The following KCNIP1 variants were observed in gnomAD, a reference collection of about 807,000 sequenced individuals.
The protein encoded by KCNIP1 is A-type potassium channel modulatory protein KCNIP1.
Under a neutral mutation model 33.0 loss-of-function variants are expected in KCNIP1, and 18 were observed. That is an observed-to-expected ratio of 0.55 (90% CI 0.38 to 0.81). The LOEUF is 0.81. Among genes scored for constraint, KCNIP1 ranks in the 30% least tolerant of loss-of-function variants. KCNIP1 has a pLI of 0.00. For synonymous variants in KCNIP1, 93 were observed against 98.3 expected (o/e 0.95, Z 0.32); for missense variants, 238 against 271.6 (o/e 0.88, Z 0.87).
chr5:170,519,334 G>A (rs898245032), intron 1 of KCNIP1, among the ~76,000 whole-genome samples: 1 of 152,172 alleles, frequency 6.6e-6, no homozygotes, highest in East Asian at 1.9e-4. Flanking sequence ...TGAGTCATGT[G>A]GTGCCAGCGG....
intron 1 of KCNIP1, among the ~76,000 whole-genome samples, chr5:170,640,032 T>C (rs979369099): frequency 6.6e-6 from 1 of 152,210 alleles, no homozygotes; most frequent in Admixed American, 6.5e-5. Context: ...AGTGGAACCA[T>C]GGAGCACCAC....
intron 1 of KCNIP1, among the ~76,000 whole-genome samples, chr5:170,511,140 C>T (rs552376775): frequency 6.6e-5 from 10 of 152,304 alleles, no homozygotes; most frequent in South Asian, 2.1e-4. Context: ...ACCGAGGAGA[C>T]GGAGGTTGCA....
At position 170,393,943 on chromosome 5, in the gene KCNIP1, T is replaced by TA. The variant is rs907749995; in HGVS notation, c.88+39986dup. On this transcript the variant is annotated intron_variant, in intron 1 of 7. Coordinates refer to the KCNIP1 transcript ENST00000377360. Reference sequence around the variant, plus strand: ...GTCTGTGTGGTAAGGTTGGTTTTTTTAAAAAAATGCTTTTTCCTTAGTGCA... The same window carrying TA: ...GTCTGTGTGGTAAGGTTGGTTTTTTTAAAAAAAATGCTTTTTCCTTAGTGCA... Among the ~76,000 whole-genome samples, 6 of 152,260 alleles carry TA rather than the reference T, an allele frequency of 3.9e-5. No homozygotes were observed. The South Asian group carries it at 6.2e-4, about 16-fold the overall frequency.
At chr5:170,578,389 A>G (rs765758880) in intron 1 of KCNIP1, among the ~76,000 whole-genome samples, 3 of 152,100 alleles carry the variant, frequency 2.0e-5, no homozygotes, top group Non-Finnish European at 4.4e-5. Flanking sequence ...GAGTGGGGGA[A>G]CTGGCCTTGC....
chr5:170,707,449 T>C (rs1763296526), intron 1 of KCNIP1, among the ~76,000 whole-genome samples: 1 of 152,236 alleles, frequency 6.6e-6, no homozygotes, highest in Non-Finnish European at 1.5e-5. Flanking sequence ...CGTTTGTTTC[T>C]TCAATCTTGG....
At chr5:170,668,148 G>A (rs1228333004) in intron 1 of KCNIP1, among the ~76,000 whole-genome samples, 1 of 152,226 alleles carries the variant, frequency 6.6e-6, no homozygotes, top group Non-Finnish European at 1.5e-5. Flanking sequence ...CCCTGAAGAT[G>A]AAGCTTGAAA....
intron 1 of KCNIP1, among the ~76,000 whole-genome samples, chr5:170,423,129 A>C (rs2113432350): frequency 1.3e-5 from 2 of 152,140 alleles, no homozygotes; most frequent in South Asian, 4.2e-4. Context: ...ACAAACAAAA[A>C]CCTCACAGAA....
chr5:170,414,957 G>A (rs1463853161), intron 1 of KCNIP1, among the ~76,000 whole-genome samples: 1 of 152,212 alleles, frequency 6.6e-6, no homozygotes, highest in African/African-American at 2.4e-5. Context: ...GGCTTCCAAT[G>A]CCCAGCATGT....
chr5:170,639,777 C>T (rs1408836022), intron 1 of KCNIP1, among the ~76,000 whole-genome samples: 21 of 152,186 alleles, frequency 1.4e-4, no homozygotes, highest in Admixed American at 1.4e-3. Context: ...GCTCACAGGT[C>T]AGATTGCCTG....
intron 1 of KCNIP1, among the ~76,000 whole-genome samples, chr5:170,492,593 G>A (rs368766518): frequency 1.3e-5 from 2 of 152,132 alleles, no homozygotes; most frequent in Non-Finnish European, 2.9e-5. Flanking sequence ...TCCAGTCAAG[G>A]CTTGGTCTTT....
chr5:170,383,936 A>G, intron 1 of KCNIP1: 1 of 1,404,230 alleles, frequency 7.1e-7, no homozygotes, highest in Non-Finnish European at 9.7e-7. Flanking sequence ...ATCCCCTGGG[A>G]GCCTCTAGAG....
At chr5:170,611,753 C>G (rs551616428) in intron 1 of KCNIP1, among the ~76,000 whole-genome samples, 4 of 152,220 alleles carry the variant, frequency 2.6e-5, no homozygotes, top group Non-Finnish European at 5.9e-5. Flanking sequence ...GGCCTGGTTT[C>G]CTAATCATCA....
At chr5:170,604,921 C>T (rs1737862605) in intron 1 of KCNIP1, among the ~76,000 whole-genome samples, 1 of 152,274 alleles carries the variant, frequency 6.6e-6, no homozygotes, top group Non-Finnish European at 1.5e-5. Context: ...GCACTGGCCA[C>T]CTGTGCTGCT....
intron 1 of KCNIP1, among the ~76,000 whole-genome samples, chr5:170,534,400 T>G (rs536865434): frequency 3.3e-5 from 5 of 152,072 alleles, no homozygotes; most frequent in Non-Finnish European, 5.9e-5. Flanking sequence ...AAGCAGTGAT[T>G]GCACCACTGT....
chr5:170,583,510 C>T (rs185187120), intron 1 of KCNIP1, among the ~76,000 whole-genome samples: 1 of 152,282 alleles, frequency 6.6e-6, no homozygotes, highest in Non-Finnish European at 1.5e-5. Flanking sequence ...GAAATCACAG[C>T]ATCTAAGTTC....
At chr5:170,382,201 C>T (rs1012351728) in intron 1 of KCNIP1, among the ~76,000 whole-genome samples, 2 of 152,206 alleles carry the variant, frequency 1.3e-5, no homozygotes, top group African/African-American at 4.8e-5. Flanking sequence ...AACTCTGAAA[C>T]TCTGATCATG....
chr5:170,714,527 G>A (rs1475958652), intron 1 of KCNIP1, among the ~76,000 whole-genome samples: 5 of 152,168 alleles, frequency 3.3e-5, no homozygotes, highest in African/African-American at 7.2e-5. Flanking sequence ...GCATAATGAC[G>A]TTTCCATCAG....
At chr5:170,368,315 A>C (rs1408090282) in intron 1 of KCNIP1, among the ~76,000 whole-genome samples, 2 of 152,140 alleles carry the variant, frequency 1.3e-5, no homozygotes, top group African/African-American at 4.8e-5. Context: ...ACCAGGCTGG[A>C]GTGCAGTGGC....
chr5:170,375,959 A>T (rs1763984973), intron 1 of KCNIP1: 1 of 152,166 alleles, frequency 6.6e-6, no homozygotes, highest in African/African-American at 2.4e-5. Flanking sequence ...TGCACATCCC[A>T]AGTCCACATA....
Sources: allele counts gnomAD v4.1 joint callset (sites outside exome capture counted in the v4.1 genomes callset), GRCh38; gene constraint gnomAD v4.1.1; transcripts MANE v1.5; gene names NCBI Gene and HGNC (gene_info 2026-07-23, HGNC 2026-07-21).